TRPC4: variants seen among roughly 807,000 people sequenced by gnomAD.
The protein encoded by TRPC4 is transient receptor potential cation channel subfamily C member 4.
TRPC4 carries 49 observed loss-of-function variants against 99.4 expected under a neutral mutation model. That is an observed-to-expected ratio of 0.49 (90% CI 0.39 to 0.63). The LOEUF is 0.63. Ranked by LOEUF, TRPC4 falls within the 20% of genes least tolerant of loss-of-function variation. TRPC4 has a pLI of 0.00. For missense variants in TRPC4, 898 were observed against 1,152.9 expected (o/e 0.78, Z 3.20); for synonymous variants, 454 against 425.9 (o/e 1.07, Z -0.81).
At chr13:37,766,269 G>A (rs1458665682) in intron 2 of TRPC4, among the ~76,000 whole-genome samples, 1 of 151,382 alleles carries the variant, frequency 6.6e-6, no homozygotes, top group Admixed American at 6.6e-5. Context: ...GATTTACATG[G>A]ATCCTCACAT....
At chr13:37,793,375 T>A (rs1232405863) in intron 1 of TRPC4, among the ~76,000 whole-genome samples, 1 of 151,988 alleles carries the variant, frequency 6.6e-6, no homozygotes, top group African/African-American at 2.4e-5. Context: ...CATGTTGGTG[T>A]GCTGCACCTA....
chr13:37,704,050 T>C (rs898104063), intron 3 of TRPC4, among the ~76,000 whole-genome samples: 14 of 152,156 alleles, frequency 9.2e-5, no homozygotes, highest in Admixed American at 6.5e-4. Context: ...AACTGTTGTA[T>C]TGATATACAC....
At chr13:37,728,656 A>AT (rs1033323774) in intron 3 of TRPC4, among the ~76,000 whole-genome samples, 3 of 152,186 alleles carry the variant, frequency 2.0e-5, no homozygotes, top group African/African-American at 7.2e-5. Context: ...GCCCAGTGAT[A>AT]TTTTTTGTAG....
intron 2 of TRPC4, among the ~76,000 whole-genome samples, chr13:37,760,969 T>C (rs1956207200): frequency 6.6e-6 from 1 of 151,954 alleles, no homozygotes; most frequent in Admixed American, 6.6e-5. Context: ...GAATTAAAAA[T>C]ACCAGCAAAG....
intron 7 of TRPC4, among the ~76,000 whole-genome samples, chr13:37,654,822 C>T (rs1300971600): frequency 1.3e-5 from 2 of 152,168 alleles, no homozygotes; most frequent in Non-Finnish European, 2.9e-5. Context: ...CAGACCTCAG[C>T]TACTACTTCC....
chr13:37,743,839 T>C (rs1464686877), intron 3 of TRPC4, among the ~76,000 whole-genome samples: 1 of 152,168 alleles, frequency 6.6e-6, no homozygotes, highest in Admixed American at 6.6e-5. Flanking sequence ...TATGAGGATA[T>C]GGTAAAGGAG....
chr13:37,814,314 G>T (rs1262507521), intron 1 of TRPC4, among the ~76,000 whole-genome samples: 1 of 149,798 alleles, frequency 6.7e-6, no homozygotes, highest in Non-Finnish European at 1.5e-5. Flanking sequence ...ATATACTAGA[G>T]GTTTTGACCA....
chr13:37,781,318 T>C (rs975746264), intron 2 of TRPC4, among the ~76,000 whole-genome samples: 1 of 152,122 alleles, frequency 6.6e-6, no homozygotes, highest in African/African-American at 2.4e-5. Flanking sequence ...ATCTGTCTTA[T>C]GGTTGCCTAT....
At chr13:37,719,695 A>C (rs113095010) in intron 3 of TRPC4, among the ~76,000 whole-genome samples, 1 of 151,976 alleles carries the variant, frequency 6.6e-6, no homozygotes, top group African/African-American at 2.4e-5. Flanking sequence ...TCTGTGGCAA[A>C]GCTTCTACAT....
chr13:37,677,990 A>G (rs1044639224), intron 4 of TRPC4, among the ~76,000 whole-genome samples: 2 of 152,134 alleles, frequency 1.3e-5, no homozygotes, highest in African/African-American at 4.8e-5. Context: ...AAAATCCCCA[A>G]ATATTTTTCA....
intron 8 of TRPC4, among the ~76,000 whole-genome samples, chr13:37,647,910 T>C (rs1951899703): frequency 6.6e-6 from 1 of 152,192 alleles, no homozygotes; most frequent in African/African-American, 2.4e-5. Flanking sequence ...AATACAACCA[T>C]CTTAATTTAT....
intron 2 of TRPC4, among the ~76,000 whole-genome samples, chr13:37,755,563 C>G (rs577539711): frequency 6.6e-6 from 1 of 151,930 alleles, no homozygotes. Context: ...ATAGCACCAC[C>G]ACGCCTAGAT....
intron 2 of TRPC4, among the ~76,000 whole-genome samples, chr13:37,782,450 A>C (rs778458520): frequency 6.6e-6 from 1 of 152,128 alleles, no homozygotes; most frequent in Non-Finnish European, 1.5e-5. Context: ...ATTTAAAAGA[A>C]TCTACTAGAG....
chr13:37,758,840 TA>T (rs1206581794), intron 2 of TRPC4, among the ~76,000 whole-genome samples: 5 of 151,578 alleles, frequency 3.3e-5, no homozygotes, highest in Non-Finnish European at 7.4e-5. Context: ...TTATAGGGCA[TA>T]AAATAAAATC....
intron 4 of TRPC4, among the ~76,000 whole-genome samples, chr13:37,686,537 T>C (rs895767176): frequency 4.6e-5 from 7 of 152,152 alleles, no homozygotes; most frequent in African/African-American, 1.7e-4. Context: ...CAACTTTTCA[T>C]TCTACATCTT....
chr13:37,721,282 T>A (rs766004751), intron 3 of TRPC4, among the ~76,000 whole-genome samples: 9 of 152,120 alleles, frequency 5.9e-5, no homozygotes, highest in Non-Finnish European at 1.2e-4. Flanking sequence ...TCAATTTATT[T>A]TATTATTTAT....
rs147058328 is a variant in TRPC4 at position 37,725,763 on chromosome 13, T to C, written c.897+20174A>G. On this transcript the variant is annotated intron_variant, in intron 3 of 10. Transcript: ENST00000379705. ...ATTCCTATATCTGGCAAAACTGTACTTCCAAAGTGAGGGAGAAATACATTC... is the reference window on the plus strand; with the variant it reads ...ATTCCTATATCTGGCAAAACTGTACCTCCAAAGTGAGGGAGAAATACATTC... Among the ~76,000 whole-genome samples the C allele has an allele frequency of 3.3e-3, 507 of 152,278 alleles. 3 individuals are homozygous for C. The highest frequency in any genetic ancestry group is 0.024 in the Middle Eastern group (7 of 294).
At chr13:37,775,786 T>C (rs1956682670) in intron 2 of TRPC4, among the ~76,000 whole-genome samples, 1 of 147,744 alleles carries the variant, frequency 6.8e-6, no homozygotes, top group Non-Finnish European at 1.5e-5. Flanking sequence ...TTGTGGCTTT[T>C]TTGTTTTGTG....
intron 4 of TRPC4, 151 bp from the exon 5 acceptor site, chr13:37,674,518 A>G (rs1924304): frequency 0.48 from 354,711 of 740,742 alleles, 89,393 homozygotes; most frequent in East Asian, 0.77. Flanking sequence ...AATAACACTG[A>G]GTCCCAGCCA....
Sources: gnomAD v4.1 joint callset for allele counts (sites outside exome capture counted in the v4.1 genomes callset) on GRCh38, gnomAD v4.1.1 for gene constraint, MANE v1.5 for transcripts, NCBI Gene and HGNC (gene_info 2026-07-23, HGNC 2026-07-21) for gene names.